Variants in KLF12 observed in about 807,000 individuals in gnomAD.
KLF12 encodes Krueppel-like factor 12.
In KLF12, 9 loss-of-function variants were observed where a neutral mutation model predicts 37.8. The observed-to-expected ratio is 0.24, with a 90% CI of 0.14 to 0.42. The LOEUF is 0.42. KLF12 is among the 10% of genes least tolerant of loss of function. The pLI, the probability that KLF12 is intolerant of heterozygous loss-of-function variation, is 1.00. For synonymous variants in KLF12, 208 were observed against 202.1 expected, an observed-to-expected ratio of 1.03 and a Z score of -0.25; for missense variants, 411 against 516.0, an observed-to-expected ratio of 0.80 and a Z score of 1.97.
At chr13:73,732,566 A>G (rs970211673) in intron 6 of KLF12, among the ~76,000 whole-genome samples, 10 of 152,120 alleles carry the variant, frequency 6.6e-5, no homozygotes, top group Non-Finnish European at 1.2e-4. Context: ...AATATTAAGG[A>G]AAAACATCTC....
intron 1 of KLF12, among the ~76,000 whole-genome samples, chr13:74,113,160 A>C (rs974590551): frequency 1.3e-5 from 2 of 152,180 alleles, no homozygotes; most frequent in Non-Finnish European, 2.9e-5. Context: ...TTAAGAAAAG[A>C]AGCCATCTGC....
At chr13:73,843,322 T>A (rs923763370) in intron 4 of KLF12, among the ~76,000 whole-genome samples, 4 of 151,938 alleles carry the variant, frequency 2.6e-5, no homozygotes, top group Admixed American at 1.3e-4. Flanking sequence ...TTTTTTTTTT[T>A]AGATAAGAGT....
At chr13:74,261,805 T>C in the KLF12 span, among the ~76,000 whole-genome samples, 1 of 152,226 alleles carries the variant, frequency 6.6e-6, no homozygotes, top group Non-Finnish European at 1.5e-5. Flanking sequence ...TGAAAAAATA[T>C]GCACATGCAG....
chr13:73,803,150 G>C (rs1313797639), intron 5 of KLF12, among the ~76,000 whole-genome samples: 1 of 152,172 alleles, frequency 6.6e-6, no homozygotes, highest in Non-Finnish European at 1.5e-5. Flanking sequence ...GCAAGAGAAA[G>C]CATGAGTAGA....
intron 1 of KLF12, among the ~76,000 whole-genome samples, chr13:74,033,945 G>C (rs1280115468): frequency 6.7e-6 from 1 of 149,268 alleles, no homozygotes; most frequent in African/African-American, 2.5e-5. Flanking sequence ...TCTTACCCAA[G>C]CTGAAAGCCA....
chr13:73,908,128 C>T lies in KLF12; in HGVS notation c.123+35853G>A, dbSNP rs372839723. Among the ~76,000 whole-genome samples, 14 of 152,158 alleles carry T rather than the reference C, an allele frequency of 9.2e-5. No individual in the cohort carries two copies. In the East Asian group the frequency reaches 2.1e-3, roughly 23 times the overall value. ...TAAAATATTAATGCTTCCGGCCAGG[C>T]GCAGTGACTCAGGCCTGTAATCCCA... On this transcript the variant is annotated intron_variant, in intron 3 of 7. Transcript: ENST00000377669.
At chr13:74,177,530 A>T in the KLF12 span, among the ~76,000 whole-genome samples, 1 of 152,122 alleles carries the variant, frequency 6.6e-6, no homozygotes, top group Non-Finnish European at 1.5e-5. Context: ...GTTCTGAAAA[A>T]CCTTACATGA....
chr13:74,296,703 C>G, the KLF12 span, among the ~76,000 whole-genome samples: 3 of 152,146 alleles, frequency 2.0e-5, no homozygotes, highest in Admixed American at 6.5e-5. Context: ...ACAATACTTG[C>G]ACAGGAGATC....
chr13:73,865,469 A>C (rs1171090229), intron 3 of KLF12, among the ~76,000 whole-genome samples: 5 of 152,206 alleles, frequency 3.3e-5, no homozygotes, highest in Admixed American at 6.5e-5. Flanking sequence ...CAACTAAAAC[A>C]ATCAGAACTT....
At chr13:74,252,187 T>C in the KLF12 span, among the ~76,000 whole-genome samples, 2 of 152,226 alleles carry the variant, frequency 1.3e-5, no homozygotes, top group Non-Finnish European at 2.9e-5. Context: ...TATAGATTAT[T>C]GACCTAACGC....
At chr13:74,035,502 G>A (rs1893223860) in intron 1 of KLF12, among the ~76,000 whole-genome samples, 1 of 152,096 alleles carries the variant, frequency 6.6e-6, no homozygotes, top group Non-Finnish European at 1.5e-5. Flanking sequence ...AAGAAAGGAG[G>A]AAGAAAAATT....
chr13:73,797,697 G>A (rs1247453329), intron 5 of KLF12, among the ~76,000 whole-genome samples: 1 of 146,592 alleles, frequency 6.8e-6, no homozygotes, highest in Non-Finnish European at 1.5e-5. Flanking sequence ...TTGAGCCCAG[G>A]AGTTTGAGGC....
intron 5 of KLF12, among the ~76,000 whole-genome samples, chr13:73,784,542 C>T (rs1428883217): frequency 6.6e-6 from 1 of 151,986 alleles, no homozygotes; most frequent in East Asian, 1.9e-4. Flanking sequence ...CACAACAGAC[C>T]TGAAACCTGC....
At chr13:74,302,982 A>T in the KLF12 span, among the ~76,000 whole-genome samples, 1 of 151,984 alleles carries the variant, frequency 6.6e-6, no homozygotes, top group Non-Finnish European at 1.5e-5. Context: ...TCATTTTTAA[A>T]CCTTTCAATC....
chr13:73,884,021 A>G (rs1237886442), intron 3 of KLF12, among the ~76,000 whole-genome samples: 1 of 152,210 alleles, frequency 6.6e-6, no homozygotes, highest in Non-Finnish European at 1.5e-5. Flanking sequence ...TGGGAAAAAC[A>G]GAAACATTTT....
Position 74,016,511 on chromosome 13 carries a change from G to A in KLF12, c.-31-21458C>T, listed in dbSNP as rs142759208. ...TAAGTAGCTAGGAGTACAGGCATGT[G>A]CCACCATGCCCAGCTAATTTTTTAA... On this transcript the variant is annotated intron_variant, in intron 1 of 7. Transcript: ENST00000377669. Among the ~76,000 whole-genome samples the A allele has an allele frequency of 2.3e-3, 353 of 152,210 alleles. 4 individuals carry two copies. The highest frequency in any genetic ancestry group is 7.9e-3 in the African/African-American group (327 of 41,538).
intron 1 of KLF12, among the ~76,000 whole-genome samples, chr13:74,008,426 A>G (rs1043307137): frequency 6.6e-6 from 1 of 152,222 alleles, no homozygotes; most frequent in Non-Finnish European, 1.5e-5. Context: ...ACAGCTTTTA[A>G]TGCAAACAAG....
chr13:74,202,452 C>T, the KLF12 span, among the ~76,000 whole-genome samples: 3 of 152,148 alleles, frequency 2.0e-5, no homozygotes, highest in African/African-American at 7.2e-5. Context: ...GCTCTTGACA[C>T]TGCCCCCACC....
At chr13:73,925,180 T>C (rs1432242915) in intron 3 of KLF12, among the ~76,000 whole-genome samples, 1 of 152,230 alleles carries the variant, frequency 6.6e-6, no homozygotes, top group Non-Finnish European at 1.5e-5. Context: ...CAACAGACTT[T>C]CAGTGTATAC....
Sources: allele counts gnomAD v4.1 joint callset (sites outside exome capture counted in the v4.1 genomes callset), GRCh38; gene constraint gnomAD v4.1.1; transcripts MANE v1.5; gene names NCBI Gene and HGNC (gene_info 2026-07-23, HGNC 2026-07-21).